ZNF559: variants seen among roughly 807,000 people sequenced by gnomAD.
The protein encoded by ZNF559 is zinc finger protein 559.
ZNF559 carries 17 observed loss-of-function variants against 14.2 expected under a neutral mutation model. That is an observed-to-expected ratio of 1.20 (90% CI 0.82 to 1.80). ZNF559 has a LOEUF of 1.80. Ranked by LOEUF, ZNF559 falls within the 40% of genes most tolerant of loss-of-function variation. The pLI, the probability that ZNF559 is intolerant of heterozygous loss-of-function variation, is 0.00. For synonymous variants in ZNF559, 244 were observed against 212.4 expected, an observed-to-expected ratio of 1.15 and a Z score of -1.29; for missense variants, 740 against 629.7, an observed-to-expected ratio of 1.18 and a Z score of -1.88.
At chr19:9,332,355 G>GTGTGTATA (rs138636441) in intron 2 of ZNF559, among the ~76,000 whole-genome samples, 91 of 150,060 alleles carry the variant, frequency 6.1e-4, no homozygotes, top group South Asian at 1.7e-3. Context: ...ATGTGTGTGT[G>GTGTGTATA]TATATATATA....
At position 9,345,365 on chromosome 19, in the gene ZNF559, A is replaced by G. The variant is rs2067705690; in HGVS notation, c.*2297A>G. The G allele has an allele frequency of 6.6e-6, 1 of 152,230 alleles. No homozygotes were observed. The highest frequency in any genetic ancestry group is 6.5e-5 in the Admixed American group (1 of 15,274). 9.4% of individuals were successfully genotyped at this position (152,230 alleles called of 1,614,324 possible). On this transcript the variant is annotated 3_prime_UTR_variant, in exon 7 of 7. Coordinates refer to ENST00000603380, the MANE Select transcript of ZNF559 (RefSeq NM_032497.3). ...ATGTTAGTGTACGTTTAAGTTTTTAAGAGACTGCTAAACCTTTCTCAAGTA... is the reference window on the plus strand; with the variant it reads ...ATGTTAGTGTACGTTTAAGTTTTTAGGAGACTGCTAAACCTTTCTCAAGTA...
chr19:9,329,394 T>G (rs1373377077), intron 2 of ZNF559, among the ~76,000 whole-genome samples: 1 of 152,218 alleles, frequency 6.6e-6, no homozygotes, highest in Non-Finnish European at 1.5e-5. Flanking sequence ...CATTAATATT[T>G]GCTTTATGTA....
At position 9,342,911 on chromosome 19, in the gene ZNF559, A is replaced by T. The variant is rs963241757; in HGVS notation, c.1460A>T (p.His487Leu). 2 of 1,614,188 alleles carry T rather than the reference A, an allele frequency of 1.2e-6. No individual in the cohort carries two copies. Among genetic ancestry groups the T allele is most frequent in the Admixed American group, 3.3e-5 (2 of 60,036 alleles). ...GGCCTTACAGTACACATGAGAACTC[A>T]CACTGGTGAACGGCCCTTTGAATGT... ...SSGLTVHMRTHTGERPFECQE... is the reference protein window; with the variant it reads ...SSGLTVHMRTLTGERPFECQE... Residue 487 changes from histidine to leucine, a missense_variant, in exon 7 of 7, where the codon CAC becomes CTC. Coordinates refer to ENST00000603380, the MANE Select transcript of ZNF559 (RefSeq NM_032497.3).
intron 4 of ZNF559, 91 bp from the exon 5 acceptor site, chr19:9,339,102 G>C: frequency 6.3e-7 from 1 of 1,580,260 alleles, no homozygotes; most frequent in Non-Finnish European, 8.7e-7. Context: ...AAAGAGTCTT[G>C]TCAAGGCATG....
intron 2 of ZNF559, 85 bp from the exon 3 acceptor site, chr19:9,337,711 C>A: frequency 2.0e-6 from 2 of 986,990 alleles, no homozygotes; most frequent in Non-Finnish European, 2.7e-6. Flanking sequence ...CACATGGGTA[C>A]TAGGTAAACG....
In ZNF559 at chr19:9,345,297, C is replaced by T. The variant is rs1325961015; in HGVS notation, c.*2229C>T. 1 of 152,124 alleles carries T rather than the reference C, an allele frequency of 6.6e-6. No individual in the cohort carries two copies. The highest frequency in any genetic ancestry group is 6.6e-5 in the Admixed American group (1 of 15,264). 9.4% of individuals were successfully genotyped at this position (152,124 alleles called of 1,614,324 possible). A position where few individuals can be genotyped will look rare whatever the true frequency, so the allele number is the denominator to read the frequency against. The stretch of plus-strand genomic sequence containing the variant: ...ATGCAGATTATTCTTTAAACATGTG[C>T]TTCTGTTTCTTTAAATAGTTAAGAG... On this transcript the variant is annotated 3_prime_UTR_variant, in exon 7 of 7. Transcript: ENST00000603380.
At chr19:9,337,642 A>T in intron 2 of ZNF559, 154 bp from the exon 3 acceptor site, 1 of 340,800 alleles carries the variant, frequency 2.9e-6, no homozygotes, top group Non-Finnish European at 5.1e-6. Flanking sequence ...CTCAACTAAT[A>T]TGATAGTAAC....
chr19:9,324,625 C>CCA (rs1264605459), intron 1 of ZNF559, 70 bp from the exon 2 acceptor site: 3 of 1,028,972 alleles, frequency 2.9e-6, no homozygotes, highest in African/African-American at 4.6e-5. Context: ...GAGACCCCCC[C>CCA]CCCCAACCAT....
At chr19:9,334,455 A>G (rs1229798183) in intron 2 of ZNF559, among the ~76,000 whole-genome samples, 2 of 152,206 alleles carry the variant, frequency 1.3e-5, no homozygotes, top group African/African-American at 2.4e-5. Context: ...AACAGTATGG[A>G]TGACTCATAA....
chr19:9,342,461 C>G lies in ZNF559; in HGVS notation c.1010C>G (p.Ser337Ter). 2 of 1,614,164 alleles carry G rather than the reference C, an allele frequency of 1.2e-6. No homozygotes were observed. Among genetic ancestry groups the G allele is most frequent in the Non-Finnish European group, 1.7e-6 (2 of 1,180,028 alleles). The change falls in exon 7 of 7, where the codon TCA becomes TGA. Residue 337 changes from serine to a stop codon, truncating the protein, a stop_gained. Transcript: ENST00000603380. LOFTEE classifies it low-confidence loss of function (END_TRUNC). The part of the protein sequence containing the change: ...CNKCGKAFTD[S>*]SGLIKHRRTH... ...AAATGTGGGAAAGCCTTCACTGATT[C>G]ATCAGGTCTTATAAAACACAGGCGA...
At chr19:9,341,465 T>G in intron 6 of ZNF559, 1 of 846,988 alleles carries the variant, frequency 1.2e-6, no homozygotes, top group Non-Finnish European at 1.9e-6. Context: ...CTAAGCTCTA[T>G]TTAGAAGCCC....
At chr19:9,341,315 T>A (rs752175580) in intron 6 of ZNF559, 131 bp downstream of exon 6, 11 of 890,326 alleles carry the variant, frequency 1.2e-5, no homozygotes, top group Non-Finnish European at 2.0e-5. Context: ...ATAATCTGTC[T>A]CTTGGAGAGA....
At chr19:9,339,934 A>ATTTTTTTTTTT (rs545536064) in intron 5 of ZNF559, among the ~76,000 whole-genome samples, 220 of 86,402 alleles carry the variant, frequency 2.5e-3, no homozygotes, top group East Asian at 3.7e-3. Flanking sequence ...ACGCCTGGCT[A>ATTTTTTTTTTT]TTTTTTTTTT....
intron 4 of ZNF559, among the ~76,000 whole-genome samples, chr19:9,338,787 A>G (rs1400613876): frequency 6.6e-6 from 1 of 152,184 alleles, no homozygotes; most frequent in Non-Finnish European, 1.5e-5. Flanking sequence ...ACTGTTTACT[A>G]ATTCAGTCTG....
At chr19:9,328,287 A>G (rs1221622635) in intron 2 of ZNF559, among the ~76,000 whole-genome samples, 1 of 143,630 alleles carries the variant, frequency 7.0e-6, no homozygotes, top group East Asian at 2.0e-4. Flanking sequence ...ATTTGCTTGA[A>G]CTCAGTTTTT....
intron 5 of ZNF559, 21 bp from the exon 6 acceptor site, chr19:9,341,081 A>G: frequency 1.3e-6 from 2 of 1,580,374 alleles, no homozygotes; most frequent in Non-Finnish European, 8.6e-7. Flanking sequence ...AGAACTTAAA[A>G]TTTTTTTCAT....
intron 2 of ZNF559, among the ~76,000 whole-genome samples, chr19:9,331,278 C>T (rs1045876192): frequency 2.0e-5 from 3 of 152,144 alleles, no homozygotes; most frequent in African/African-American, 7.2e-5. Flanking sequence ...CTTTAGTTTT[C>T]TGTAGAGATG....
chr19:9,343,265 C>A lies in ZNF559; in HGVS notation c.*197C>A. 7.2e-7 allele frequency: 1 copy of A among 1,397,240 alleles called. No individual in the cohort carries two copies. The allele number at this position is 1,397,240 out of a possible 1,614,324, so 86.6% of individuals were successfully genotyped here. On this transcript the variant is annotated 3_prime_UTR_variant, in exon 7 of 7. Coordinates refer to ENST00000603380, the MANE Select transcript of ZNF559 (RefSeq NM_032497.3). ...AATGTGGGAAAATCTTGGCTCCTTC[C>A]ATAGGCCTTACTATTCATGTGTCTG...
intron 2 of ZNF559, among the ~76,000 whole-genome samples, chr19:9,333,835 TAA>T (rs1392704076): frequency 6.6e-6 from 1 of 152,034 alleles, no homozygotes; most frequent in African/African-American, 2.4e-5. Flanking sequence ...ATAGAAAAAT[TAA>T]GAGGCTTGAG....
Sources: allele counts gnomAD v4.1 joint callset (sites outside exome capture counted in the v4.1 genomes callset), GRCh38; gene constraint gnomAD v4.1.1; transcripts MANE v1.5; gene names NCBI Gene and HGNC (gene_info 2026-07-23, HGNC 2026-07-21).